Variants in XG observed in about 807,000 individuals in gnomAD.
The protein encoded by XG is Xg glycoprotein (Xg blood group).
A neutral mutation model predicts 25.7 loss-of-function variants in XG; 24 were observed. That is an observed-to-expected ratio of 0.93 (90% CI 0.68 to 1.31). The LOEUF (loss-of-function observed/expected upper bound fraction) is 1.31. XG is among the 40% of genes most tolerant of loss of function. The pLI, the probability that XG is intolerant of heterozygous loss-of-function variation, is 0.00. For missense variants in XG, 181 were observed against 187.6 expected (o/e 0.96, Z 0.21); for synonymous variants, 77 against 69.2 (o/e 1.11, Z -0.56).
In XG at chrX:2,752,310, C is replaced by T. The variant is rs2050347823; in HGVS notation, c.36C>T (p.Phe12=). ...GGTGGGGACTTCCCTGTCTTGCGTT[C>T]CTGTGTTTTCTAATGCACGCCCGAG... ...ESWWGLPCLA[F]LCFLMHARGQ... is the part of the protein sequence containing the mutation. The change falls in exon 1 of 11, where the codon TTC becomes TTT. Residue 12 remains phenylalanine, a synonymous_variant. Coordinates refer to ENST00000644266, the MANE Select transcript of XG (RefSeq NM_001141919.2). 2 of 1,613,656 alleles carry T rather than the reference C, an allele frequency of 1.2e-6. No individual in the cohort carries two copies. Among genetic ancestry groups the T allele is most frequent in the East Asian group, 4.5e-5 (2 of 44,890 alleles).
intron 3 of XG, among the ~76,000 whole-genome samples, chrX:2,777,709 T>C (rs2051031225): frequency 6.6e-6 from 1 of 152,174 alleles, no homozygotes; most frequent in Non-Finnish European, 1.5e-5. Context: ...TCCTTAGTTA[T>C]GTTAGATGTT....
At chrX:2,760,910 A>G (rs1440274740) in intron 1 of XG, among the ~76,000 whole-genome samples, 1 of 152,074 alleles carries the variant, frequency 6.6e-6, no homozygotes, top group African/African-American at 2.4e-5. Flanking sequence ...CCAAGGAGAG[A>G]GGTCTCAGTA....
rs534330233 is a variant in XG, at chrX:2,804,623, T to A, written c.374-2078T>A. ...TCTGAAACTGCTCTCTGTAAGGAGC[T>A]ATTCGGGACACGTTCTTTTGTTCTC... On this transcript the variant is annotated intron_variant, in intron 7 of 10. Coordinates refer to ENST00000644266, the MANE Select transcript of XG (RefSeq NM_001141919.2). 8.0e-5 allele frequency among the ~76,000 whole-genome samples: 9 copies of A among 111,920 alleles called. No individual in the cohort carries two copies. In the South Asian group the frequency reaches 3.4e-3, roughly 42 times the overall value.
At chrX:2,763,769 G>A (rs2050616438) in intron 1 of XG, among the ~76,000 whole-genome samples, 1 of 152,160 alleles carries the variant, frequency 6.6e-6, no homozygotes, top group Non-Finnish European at 1.5e-5. Context: ...TGGGTCTTGA[G>A]GCATCAAGGA....
At chrX:2,798,369 C>CTT (rs748928232) in intron 7 of XG, among the ~76,000 whole-genome samples, 49 of 83,829 alleles carry the variant, frequency 5.8e-4, no homozygotes, top group Middle Eastern at 6.5e-3. Context: ...ACCATCTTTT[C>CTT]TTTTTTTTTT....
chrX:2,756,007 C>T (rs868146388), intron 1 of XG, among the ~76,000 whole-genome samples: 1 of 152,160 alleles, frequency 6.6e-6, no homozygotes, highest in Non-Finnish European at 1.5e-5. Context: ...TGTAACAAAC[C>T]TGCACGTCCT....
intron 5 of XG, among the ~76,000 whole-genome samples, chrX:2,793,814 A>T (rs780925786): frequency 1.8e-5 from 2 of 111,670 alleles, no homozygotes; most frequent in Non-Finnish European, 3.8e-5. Flanking sequence ...CTCCCTGGGG[A>T]ATCGGCCACT....
chrX:2,789,641 C>T lies in XG; in HGVS notation c.191-3C>T, dbSNP rs368755426. 3 of 1,159,502 alleles carry T rather than the reference C, an allele frequency of 2.6e-6. No individual in the cohort carries two copies. The highest frequency in any genetic ancestry group is 2.3e-4 in the Middle Eastern group (1 of 4,289). ...CTGAAATCATACTGTTGTTTTCCAACAGATATCTACCCAAGGCCAAAGCCA... is the reference window on the plus strand; with the variant it reads ...CTGAAATCATACTGTTGTTTTCCAATAGATATCTACCCAAGGCCAAAGCCA... On this transcript the variant is annotated splice_region_variant and splice_polypyrimidine_tract_variant and intron_variant, in intron 4 of 10. Coordinates refer to ENST00000644266, the MANE Select transcript of XG (RefSeq NM_001141919.2).
At chrX:2,774,881 CA>C in intron 3 of XG, 142 bp downstream of exon 3, 2 of 1,102,080 alleles carry the variant, frequency 1.8e-6, no homozygotes, top group Non-Finnish European at 2.7e-6. Flanking sequence ...ATATTGAAAG[CA>C]AAATGTGGTG....
intron 1 of XG, among the ~76,000 whole-genome samples, chrX:2,754,223 A>G (rs1246968808): frequency 6.6e-6 from 1 of 152,098 alleles, no homozygotes; most frequent in African/African-American, 2.4e-5. Context: ...CTCAGCCTCC[A>G]GAGTAGCTGG....
chrX:2,753,136 T>TC (rs1298255684), intron 1 of XG: 1 of 264,568 alleles, frequency 3.8e-6, no homozygotes, highest in African/African-American at 2.3e-5. Flanking sequence ...TTCCTGTTTA[T>TC]CCTATTTAAA....
chrX:2,761,718 G>A (rs1258839834), intron 1 of XG, among the ~76,000 whole-genome samples: 1 of 151,838 alleles, frequency 6.6e-6, no homozygotes, highest in Non-Finnish European at 1.5e-5. Flanking sequence ...CTCATAAGAA[G>A]AGGAGATGAG....
At chrX:2,769,081 G>A (rs1398538213) in intron 1 of XG, among the ~76,000 whole-genome samples, 3 of 152,184 alleles carry the variant, frequency 2.0e-5, no homozygotes, top group African/African-American at 7.2e-5. Flanking sequence ...TTCCTGTCTG[G>A]GGATGCGTCT....
At chrX:2,765,067 G>T (rs1254358971) in intron 1 of XG, among the ~76,000 whole-genome samples, 1 of 129,552 alleles carries the variant, frequency 7.7e-6, no homozygotes, top group Non-Finnish European at 1.6e-5. Context: ...AAAAAAAAAG[G>T]CTAGGCACGG....
chrX:2,805,260 G>A (rs1265694795), intron 7 of XG, among the ~76,000 whole-genome samples: 2 of 112,405 alleles, frequency 1.8e-5, no homozygotes. Context: ...TGTTGCGCTC[G>A]TCGTTTTTAA....
At chrX:2,804,550 C>T (rs1439018635) in intron 7 of XG, among the ~76,000 whole-genome samples, 1 of 111,468 alleles carries the variant, frequency 9.0e-6, no homozygotes, top group Non-Finnish European at 1.9e-5. Flanking sequence ...GAGCCGTCCC[C>T]ACACCCCTAC....
At chrX:2,775,955 C>CAAAAAAA (rs1173774743) in intron 3 of XG, among the ~76,000 whole-genome samples, 1 of 122,164 alleles carries the variant, frequency 8.2e-6, no homozygotes, top group Non-Finnish European at 1.6e-5. Context: ...GATTCCGTCT[C>CAAAAAAA]AAAAAAAAAA....
At chrX:2,756,790 C>G (rs1324119024) in intron 1 of XG, among the ~76,000 whole-genome samples, 1 of 152,138 alleles carries the variant, frequency 6.6e-6, no homozygotes, top group African/African-American at 2.4e-5. Context: ...GCAGAACTTG[C>G]AGACGGGCAG....
At chrX:2,795,630 C>T (rs2086878353) in intron 6 of XG, among the ~76,000 whole-genome samples, 2 of 109,817 alleles carry the variant, frequency 1.8e-5, no homozygotes, top group South Asian at 3.8e-4. Context: ...ATATAAATGT[C>T]TTTAAATATG....
Sources: gnomAD v4.1 joint callset for allele counts (sites outside exome capture counted in the v4.1 genomes callset) on GRCh38, gnomAD v4.1.1 for gene constraint, MANE v1.5 for transcripts, NCBI Gene and HGNC (gene_info 2026-07-23, HGNC 2026-07-21) for gene names.